SGCD: variants seen among roughly 807,000 people sequenced by gnomAD.
SGCD encodes the protein sarcoglycan delta.
A neutral mutation model predicts 36.6 loss-of-function variants in SGCD; 18 were observed. That is an observed-to-expected ratio of 0.49 (90% CI 0.34 to 0.73). The LOEUF (loss-of-function observed/expected upper bound fraction) is 0.73. Among genes scored for constraint, SGCD ranks in the 30% least tolerant of loss-of-function variants. The pLI, the probability that SGCD is intolerant of heterozygous loss-of-function variation, is 0.01. For synonymous variants in SGCD, 133 were observed against 130.6 expected, an observed-to-expected ratio of 1.02 and a Z score of -0.12; for missense variants, 387 against 346.7, an observed-to-expected ratio of 1.12 and a Z score of -0.92.
intron 3 of SGCD, among the ~76,000 whole-genome samples, chr5:156,289,182 G>A (rs2127676984): frequency 6.6e-6 from 1 of 152,200 alleles, no homozygotes; most frequent in African/African-American, 2.4e-5. Context: ...GATATTCATA[G>A]CACACATTGG....
At chr5:156,107,201 T>A (rs1761669955) in intron 1 of SGCD, among the ~76,000 whole-genome samples, 5 of 152,180 alleles carry the variant, frequency 3.3e-5, no homozygotes, top group Admixed American at 3.3e-4. Context: ...TATGACTAAT[T>A]TCTAATCCTC....
chr5:155,993,429 C>G (rs1758476761), intron 1 of SGCD, among the ~76,000 whole-genome samples: 1 of 149,222 alleles, frequency 6.7e-6, no homozygotes, highest in African/African-American at 2.5e-5. Context: ...ACTGCAACCT[C>G]TGCCTCCTGG....
At chr5:156,449,869 A>AT (rs1561703408) in intron 3 of SGCD, among the ~76,000 whole-genome samples, 1 of 151,272 alleles carries the variant, frequency 6.6e-6, no homozygotes, top group Admixed American at 6.6e-5. Flanking sequence ...AAAAAAAAAA[A>AT]AAAGAAACTT....
intron 1 of SGCD, among the ~76,000 whole-genome samples, chr5:156,111,448 A>G (rs1012051293): frequency 2.0e-5 from 3 of 152,160 alleles, no homozygotes; most frequent in African/African-American, 7.2e-5. Context: ...GAAATCATTT[A>G]TTTTTAAGAA....
At chr5:156,029,615 GAAT>G (rs1759299377) in intron 1 of SGCD, among the ~76,000 whole-genome samples, 9 of 152,152 alleles carry the variant, frequency 5.9e-5, no homozygotes, top group Admixed American at 5.9e-4. Context: ...CTCAGAAACA[GAAT>G]TTAGAAGCCA....
At chr5:156,728,802 C>T (rs1285109445) in intron 7 of SGCD, among the ~76,000 whole-genome samples, 2 of 152,134 alleles carry the variant, frequency 1.3e-5, no homozygotes, top group Admixed American at 6.5e-5. Flanking sequence ...TCCAAAATCA[C>T]CTGAGTTGCA....
In SGCD at chr5:156,110,977, C is replaced by A. The variant is rs367947861; in HGVS notation, c.-281-6901C>A. 8.6e-5 allele frequency among the ~76,000 whole-genome samples: 13 copies of A among 151,960 alleles called. No homozygotes were observed. The South Asian group carries it at 1.2e-3, about 15-fold the overall frequency. ...GGTGAGGAGAGAAGAATGAGAGAGA[C>A]AATATTTGAACACGAAAAAAATATG... On this transcript the variant is annotated intron_variant, in intron 1 of 9. Coordinates refer to the SGCD transcript ENST00000517913.
At chr5:156,137,508 C>T (rs917571960) in intron 3 of SGCD, among the ~76,000 whole-genome samples, 12 of 152,020 alleles carry the variant, frequency 7.9e-5, no homozygotes, top group African/African-American at 2.2e-4. Flanking sequence ...TAGTAGGTCT[C>T]GGTTTCTTCA....
intron 1 of SGCD, among the ~76,000 whole-genome samples, chr5:155,961,950 C>T (rs1430108664): frequency 2.6e-5 from 4 of 152,056 alleles, no homozygotes; most frequent in African/African-American, 7.2e-5. Context: ...CAAATAATTA[C>T]GGTCTGAAGA....
chr5:155,914,024 G>T (rs183631367), intron 1 of SGCD, among the ~76,000 whole-genome samples: 3 of 152,326 alleles, frequency 2.0e-5, no homozygotes, highest in Admixed American at 2.0e-4. Flanking sequence ...GGCCTTTTGG[G>T]ATCACTGATC....
At chr5:155,942,392 C>T (rs547011347) in intron 1 of SGCD, among the ~76,000 whole-genome samples, 5 of 150,960 alleles carry the variant, frequency 3.3e-5, no homozygotes, top group African/African-American at 9.7e-5. Context: ...TAATCAATCA[C>T]GTGGGCTAAA....
At chr5:156,572,990 G>T (rs1303549228) in intron 4 of SGCD, among the ~76,000 whole-genome samples, 1 of 152,024 alleles carries the variant, frequency 6.6e-6, no homozygotes, top group Non-Finnish European at 1.5e-5. Flanking sequence ...AAATAATTAA[G>T]AAATGTACAT....
intron 7 of SGCD, among the ~76,000 whole-genome samples, chr5:156,740,801 G>T (rs1756632109): frequency 6.6e-6 from 1 of 152,190 alleles, no homozygotes; most frequent in Non-Finnish European, 1.5e-5. Context: ...TGTGTGGGTT[G>T]TGACCCACGT....
At chr5:156,055,653 G>T (rs1425370502) in intron 1 of SGCD, among the ~76,000 whole-genome samples, 3 of 146,162 alleles carry the variant, frequency 2.1e-5, no homozygotes, top group Admixed American at 2.0e-4. Context: ...TAAAGGAAAT[G>T]TACTCTTTAA....
chr5:156,722,006 C>T (rs935572211), intron 7 of SGCD, among the ~76,000 whole-genome samples: 1 of 152,212 alleles, frequency 6.6e-6, no homozygotes, highest in Non-Finnish European at 1.5e-5. Context: ...AACTGAAAAG[C>T]ATGATCAGTC....
intron 7 of SGCD, among the ~76,000 whole-genome samples, chr5:156,741,031 C>G (rs1431979373): frequency 1.3e-5 from 2 of 152,180 alleles, no homozygotes; most frequent in African/African-American, 4.8e-5. Flanking sequence ...TGTGAAACTG[C>G]TGTTTCCTGG....
At chr5:156,423,184 A>ATATCATATAATATTATATTTTAT (rs1561685199) in intron 3 of SGCD, among the ~76,000 whole-genome samples, 1 of 77,408 alleles carries the variant, frequency 1.3e-5, no homozygotes, top group East Asian at 3.3e-4. Context: ...ATAATTAATT[A>ATATCATATAATATTATATTTTAT]TATAATATAA....
chr5:156,612,683 A>T (rs186772593), intron 6 of SGCD, among the ~76,000 whole-genome samples: 58 of 152,362 alleles, frequency 3.8e-4, no homozygotes, highest in Admixed American at 7.2e-4. Flanking sequence ...GTGGTGCTGT[A>T]ACTACCCATG....
chr5:156,735,824 G>T (rs1392238232), intron 7 of SGCD, among the ~76,000 whole-genome samples: 1 of 152,162 alleles, frequency 6.6e-6, no homozygotes, highest in East Asian at 1.9e-4. Flanking sequence ...AGCTACTTGT[G>T]CTGGGAAGCC....
Sources: gnomAD v4.1 joint callset for allele counts (sites outside exome capture counted in the v4.1 genomes callset) on GRCh38, gnomAD v4.1.1 for gene constraint, MANE v1.5 for transcripts, NCBI Gene and HGNC (gene_info 2026-07-23, HGNC 2026-07-21) for gene names.